HDAC9: variants seen among roughly 807,000 people sequenced by gnomAD.
The protein encoded by HDAC9 is histone deacetylase 9.
Under a neutral mutation model 139.4 loss-of-function variants are expected in HDAC9, and 41 were observed. The observed-to-expected ratio is 0.29, with a 90% CI of 0.23 to 0.38. The LOEUF (loss-of-function observed/expected upper bound fraction) is 0.38, where lower values mean the gene tolerates loss of function less well. Ranked by LOEUF, HDAC9 falls within the 10% of genes least tolerant of loss-of-function variation. The pLI, the probability that HDAC9 is intolerant of heterozygous loss-of-function variation, is 1.00. For synonymous variants in HDAC9, 517 were observed against 476.2 expected (o/e 1.09, Z -1.12); for missense variants, 1,147 against 1,297.0 (o/e 0.88, Z 1.78).
Position 18,988,382 on chromosome 7 carries a change from C to A in HDAC9, c.3171-7641C>A, listed in dbSNP as rs1263444902. 3.9e-3 allele frequency among the ~76,000 whole-genome samples: 595 copies of A among 151,874 alleles called. 7 individuals carry two copies. Among genetic ancestry groups the A allele is most frequent in the African/African-American group, 0.013 (543 of 41,360 alleles). On this transcript the variant is annotated intron_variant, in intron 25 of 25. Transcript: ENST00000686413. ...ATGTAGTTGAGCGGTTTTGAGTGAG[C>A]TTCTTAATCCTGAGTTCTAGTTTGA...
chr7:18,868,874 G>C (rs1182547826), intron 21 of HDAC9, among the ~76,000 whole-genome samples: 1 of 152,042 alleles, frequency 6.6e-6, no homozygotes, highest in Non-Finnish European at 1.5e-5. Flanking sequence ...AAAAACTCAA[G>C]AGGACTGGTT....
chr7:18,802,585 T>C (rs1793393273), intron 17 of HDAC9, among the ~76,000 whole-genome samples: 1 of 151,890 alleles, frequency 6.6e-6, no homozygotes, highest in Admixed American at 6.6e-5. Flanking sequence ...GATTCTATAA[T>C]GGCTATTTAA....
At chr7:18,879,190 G>A (rs1799541093) in intron 22 of HDAC9, among the ~76,000 whole-genome samples, 1 of 152,010 alleles carries the variant, frequency 6.6e-6, no homozygotes, top group Non-Finnish European at 1.5e-5. Context: ...TCATCCCGTG[G>A]TCATAGACAG....
intron 6 of HDAC9, among the ~76,000 whole-genome samples, chr7:18,594,586 G>T (rs1383642769): frequency 2.0e-5 from 3 of 152,060 alleles, no homozygotes; most frequent in Non-Finnish European, 4.4e-5. Context: ...ATCTCATGAA[G>T]TTAGGGGAAA....
chr7:18,264,817 C>T (rs898452084), intron 2 of HDAC9, among the ~76,000 whole-genome samples: 1 of 152,150 alleles, frequency 6.6e-6, no homozygotes, highest in Non-Finnish European at 1.5e-5. Context: ...TAGACAAAAT[C>T]TTAACTTACA....
At chr7:18,881,598 C>A (rs149488044) in intron 22 of HDAC9, among the ~76,000 whole-genome samples, 2 of 152,080 alleles carry the variant, frequency 1.3e-5, no homozygotes, top group East Asian at 3.9e-4. Flanking sequence ...CCATGGCTCT[C>A]CTAAGTGTCT....
intron 17 of HDAC9, among the ~76,000 whole-genome samples, chr7:18,802,603 GTGT>G (rs1051421673): frequency 7.3e-5 from 11 of 150,836 alleles, no homozygotes; most frequent in African/African-American, 2.7e-4. Flanking sequence ...TAAAAATGTG[GTGT>G]TGAAGTTTCC....
At chr7:18,588,898 T>G (rs1830167914) in intron 3 of HDAC9, among the ~76,000 whole-genome samples, 1 of 152,150 alleles carries the variant, frequency 6.6e-6, no homozygotes, top group African/African-American at 2.4e-5. Flanking sequence ...CTCAAACTAT[T>G]TCAGATGCTG....
intron 10 of HDAC9, among the ~76,000 whole-genome samples, chr7:18,648,251 G>C (rs561853214): frequency 6.6e-6 from 1 of 151,992 alleles, no homozygotes; most frequent in Non-Finnish European, 1.5e-5. Context: ...GGTCAGATGC[G>C]TACCTGTCCA....
chr7:18,746,002 C>T (rs532952478), intron 13 of HDAC9, among the ~76,000 whole-genome samples: 1 of 150,964 alleles, frequency 6.6e-6, no homozygotes, highest in Non-Finnish European at 1.5e-5. Context: ...AGCAATTCTC[C>T]CACCAGCAGC....
At chr7:18,588,123 G>C (rs1300905044) in intron 3 of HDAC9, among the ~76,000 whole-genome samples, 1 of 152,170 alleles carries the variant, frequency 6.6e-6, no homozygotes, top group African/African-American at 2.4e-5. Context: ...ATGTCCTTCT[G>C]GGAGTAATAA....
intron 17 of HDAC9, among the ~76,000 whole-genome samples, chr7:18,812,421 T>C (rs1004648745): frequency 6.6e-6 from 1 of 152,020 alleles, no homozygotes; most frequent in Non-Finnish European, 1.5e-5. Flanking sequence ...TTTATTTTCC[T>C]TTAATCTTTG....
upstream of HDAC9, among the ~76,000 whole-genome samples, chr7:18,289,496 T>A (rs1172578792): frequency 1.3e-5 from 2 of 152,176 alleles, no homozygotes; most frequent in Non-Finnish European, 1.5e-5. Flanking sequence ...ATTTTAAAAA[T>A]TAGAATTTCT....
At chr7:18,559,513 G>A (rs748545632) in intron 2 of HDAC9, among the ~76,000 whole-genome samples, 1 of 152,168 alleles carries the variant, frequency 6.6e-6, no homozygotes, top group African/African-American at 2.4e-5. Context: ...CATCCCTGAG[G>A]AGGAGGGGGT....
At chr7:18,302,268 T>A (rs563135661) in intron 1 of HDAC9, among the ~76,000 whole-genome samples, 1 of 152,214 alleles carries the variant, frequency 6.6e-6, no homozygotes, top group Admixed American at 6.5e-5. Flanking sequence ...AGTTCTCTAA[T>A]TGTGGTTCTG....
chr7:18,612,695 T>G (rs1408337414), intron 6 of HDAC9, among the ~76,000 whole-genome samples: 1 of 151,972 alleles, frequency 6.6e-6, no homozygotes, highest in Admixed American at 6.6e-5. Flanking sequence ...AATAAGTAAA[T>G]CAGATAATCC....
chr7:18,271,834 C>T (rs552852346), intron 2 of HDAC9, among the ~76,000 whole-genome samples: 3 of 152,290 alleles, frequency 2.0e-5, no homozygotes, highest in South Asian at 4.1e-4. Flanking sequence ...AAATCAGTCA[C>T]GTCCTGTTCA....
At chr7:18,451,156 T>C (rs1367329455) in intron 1 of HDAC9, among the ~76,000 whole-genome samples, 1 of 152,124 alleles carries the variant, frequency 6.6e-6, no homozygotes, top group Non-Finnish European at 1.5e-5. Context: ...AGGGAGCTTG[T>C]GGGCCCCTTT....
intron 23 of HDAC9, among the ~76,000 whole-genome samples, chr7:18,953,845 C>G (rs2129324277): frequency 6.6e-6 from 1 of 152,134 alleles, no homozygotes; most frequent in South Asian, 2.1e-4. Flanking sequence ...TTGTCAGGAA[C>G]CTACAAAAAT....
Sources: gnomAD v4.1 joint callset for allele counts (sites outside exome capture counted in the v4.1 genomes callset) on GRCh38, gnomAD v4.1.1 for gene constraint, MANE v1.5 for transcripts, NCBI Gene and HGNC (gene_info 2026-07-23, HGNC 2026-07-21) for gene names.